The following CPXM2 variants were observed in gnomAD, a reference collection of about 807,000 sequenced individuals.
The protein encoded by CPXM2 is inactive carboxypeptidase-like protein X2.
In CPXM2, 66 loss-of-function variants were observed where a neutral mutation model predicts 86.1. The ratio of observed to expected loss-of-function variants is 0.77; its 90% CI spans 0.63 to 0.94. The LOEUF (loss-of-function observed/expected upper bound fraction) is 0.94, where lower values mean the gene tolerates loss of function less well. Among genes scored for constraint, CPXM2 ranks in the 40% least tolerant of loss-of-function variants. The pLI, the probability that CPXM2 is intolerant of heterozygous loss-of-function variation, is 0.00. For synonymous variants in CPXM2, 388 were observed against 400.2 expected, an observed-to-expected ratio of 0.97 and a Z score of 0.36; for missense variants, 948 against 1,026.3, an observed-to-expected ratio of 0.92 and a Z score of 1.04.
chr10:123,926,705 C>T (rs1178455834), intron 2 of CPXM2, among the ~76,000 whole-genome samples: 1 of 152,132 alleles, frequency 6.6e-6, no homozygotes, highest in Non-Finnish European at 1.5e-5. Context: ...GGAACATAAA[C>T]GTATGTCCAG....
intron 2 of CPXM2, among the ~76,000 whole-genome samples, chr10:123,925,256 T>C (rs74162977): frequency 5.7e-4 from 87 of 152,330 alleles, no homozygotes; most frequent in African/African-American, 2.0e-3. Context: ...CACTGGTTAT[T>C]TTTTTCAATT....
chr10:123,759,198 T>C (rs868259716), intron 11 of CPXM2, among the ~76,000 whole-genome samples: 1 of 152,092 alleles, frequency 6.6e-6, no homozygotes, highest in Non-Finnish European at 1.5e-5. Context: ...ATTCCTTCGG[T>C]CAAACCTGCA....
intron 7 of CPXM2, 57 bp from the exon 8 acceptor site, chr10:123,771,096 C>G: frequency 6.4e-7 from 1 of 1,558,048 alleles, no homozygotes. Context: ...ACTAAAAGGA[C>G]AGAGCTCCCA....
intron 3 of CPXM2, among the ~76,000 whole-genome samples, chr10:123,848,799 C>A (rs555348787): frequency 6.6e-6 from 1 of 152,322 alleles, no homozygotes; most frequent in African/African-American, 2.4e-5. Flanking sequence ...AGGTCAAGTG[C>A]AAGTCCTCAT....
At chr10:123,936,534 C>T (rs1447852962) in intron 2 of CPXM2, among the ~76,000 whole-genome samples, 1 of 152,192 alleles carries the variant, frequency 6.6e-6, no homozygotes, top group Non-Finnish European at 1.5e-5. Context: ...AGCGAGGCTA[C>T]TTTGAGGCCC....
intron 6 of CPXM2, among the ~76,000 whole-genome samples, chr10:123,781,736 G>T (rs925902461): frequency 6.6e-6 from 1 of 152,156 alleles, no homozygotes; most frequent in Non-Finnish European, 1.5e-5. Context: ...ACCCAGCCCC[G>T]ATCTACTGAA....
intron 9 of CPXM2, 46 bp from the exon 10 acceptor site, chr10:123,767,198 C>G: frequency 6.4e-7 from 1 of 1,552,994 alleles, no homozygotes; most frequent in Non-Finnish European, 8.9e-7. Flanking sequence ...TGCAGGACAA[C>G]GCGGACCCTC....
intron 13 of CPXM2, chr10:123,749,991 T>TG (rs1169411798): frequency 2.7e-6 from 1 of 365,076 alleles, no homozygotes; most frequent in Admixed American, 6.5e-5. Flanking sequence ...TTTTTTTTTT[T>TG]TTTTTTTTAG....
At chr10:123,820,083 C>G (rs1422388611) in intron 4 of CPXM2, among the ~76,000 whole-genome samples, 1 of 152,222 alleles carries the variant, frequency 6.6e-6, no homozygotes, top group Non-Finnish European at 1.5e-5. Context: ...ACTCCAAGTT[C>G]TTCAGTTTTG....
rs1564751553 is a variant in CPXM2 at position 123,757,213 on chromosome 10, C to T, written c.1917G>A (p.Gln639=). 1.2e-6 allele frequency: 2 copies of T among 1,613,974 alleles called. No individual in the cohort carries two copies. Among genetic ancestry groups the T allele is most frequent in the East Asian group, 2.2e-5 (1 of 44,884 alleles). The part of the protein sequence containing the change: ...NRESLIVFME[Q]VHRGIKGLVR... ...TCCCAGCCACACACCCGCAATATACCTGCTCCATGAACACGATCAGAGATT... is the reference window on the plus strand; with the variant it reads ...TCCCAGCCACACACCCGCAATATACTTGCTCCATGAACACGATCAGAGATT... The change falls in exon 12 of 14, where the codon CAG becomes CAA. Residue 639 remains glutamine (Q), a splice_region_variant and synonymous_variant. Transcript: ENST00000241305.
chr10:123,902,272 C>T (rs1945389684), intron 2 of CPXM2, among the ~76,000 whole-genome samples: 1 of 152,176 alleles, frequency 6.6e-6, no homozygotes, highest in Non-Finnish European at 1.5e-5. Flanking sequence ...GGCCTGAGCG[C>T]CTCCCATTCT....
At chr10:123,774,617 G>A (rs973853757) in intron 7 of CPXM2, among the ~76,000 whole-genome samples, 1 of 152,184 alleles carries the variant, frequency 6.6e-6, no homozygotes, top group South Asian at 2.1e-4. Flanking sequence ...CCTATGAGAG[G>A]TGACAGGTGC....
At chr10:123,930,203 C>CAT (rs35958869) in intron 2 of CPXM2, among the ~76,000 whole-genome samples, 95,377 of 151,914 alleles carry the variant, frequency 0.63, 31,796 homozygotes, top group African/African-American at 0.87. Context: ...CCTGAGTACA[C>CAT]GTGGGCCCTG....
intron 6 of CPXM2, among the ~76,000 whole-genome samples, chr10:123,788,755 G>A (rs534550896): frequency 1.3e-5 from 2 of 152,206 alleles, no homozygotes; most frequent in Admixed American, 1.3e-4. Flanking sequence ...GGTTTTAGGG[G>A]TGATGACAAA....
chr10:123,884,173 A>G (rs1289715696), intron 1 of CPXM2, among the ~76,000 whole-genome samples: 1 of 152,162 alleles, frequency 6.6e-6, no homozygotes, highest in African/African-American at 2.4e-5. Context: ...TTCCTGTAGT[A>G]AAGGACCCAG....
At chr10:123,941,271 G>A (rs751968690), upstream of CPXM2, among the ~76,000 whole-genome samples, 12 of 152,358 alleles carry the variant, frequency 7.9e-5, no homozygotes, top group South Asian at 2.1e-4. Flanking sequence ...GGCTAGGGCC[G>A]TGTTCCCTTT....
chr10:123,860,153 AC>A (rs1848821291), intron 3 of CPXM2, among the ~76,000 whole-genome samples: 1 of 152,194 alleles, frequency 6.6e-6, no homozygotes, highest in Admixed American at 6.5e-5. Context: ...AGACCCAGTC[AC>A]CCAAGACCAA....
At chr10:123,900,102 C>T (rs998269220) in intron 2 of CPXM2, among the ~76,000 whole-genome samples, 6 of 152,168 alleles carry the variant, frequency 3.9e-5, no homozygotes, top group South Asian at 2.1e-4. Context: ...AGTGTAGTGA[C>T]GTGATCTTGG....
chr10:123,861,005 G>A (rs999933255), intron 3 of CPXM2, among the ~76,000 whole-genome samples: 1 of 152,182 alleles, frequency 6.6e-6, no homozygotes, highest in African/African-American at 2.4e-5. Flanking sequence ...TCTGAGGGGT[G>A]GGGTGGAGAA....
Sources: gnomAD v4.1 joint callset for allele counts (sites outside exome capture counted in the v4.1 genomes callset) on GRCh38, gnomAD v4.1.1 for gene constraint, MANE v1.5 for transcripts, NCBI Gene and HGNC (gene_info 2026-07-23, HGNC 2026-07-21) for gene names.